TBCD: variants seen among roughly 807,000 people sequenced by gnomAD.
TBCD encodes the protein tubulin folding cofactor D.
In TBCD, 105 loss-of-function variants were observed where a neutral mutation model predicts 169.3. That is an observed-to-expected ratio of 0.62 (90% CI 0.53 to 0.73). The LOEUF is 0.73. Ranked by LOEUF, TBCD falls within the 30% of genes least tolerant of loss-of-function variation. The probability of loss-of-function intolerance (pLI) is 0.00; values close to 1 mark genes in which losing one functional copy is unlikely to be tolerated. For missense variants in TBCD, 1,444 were observed against 1,600.1 expected, an observed-to-expected ratio of 0.90 and a Z score of 1.66; for synonymous variants, 700 against 643.9, an observed-to-expected ratio of 1.09 and a Z score of -1.32.
chr17:82,756,336 T>A, intron 2 of TBCD, 121 bp downstream of exon 2: 1 of 1,058,534 alleles, frequency 9.4e-7, no homozygotes, highest in Non-Finnish European at 1.4e-6. Flanking sequence ...TGTCCCTGTC[T>A]TGCTTGCCTG....
chr17:82,856,515 C>T (rs949405162), intron 13 of TBCD, among the ~76,000 whole-genome samples: 5 of 152,270 alleles, frequency 3.3e-5, no homozygotes, highest in Admixed American at 3.3e-4. Context: ...ATCCTGACTC[C>T]CAAGGGCACA....
At chr17:82,830,918 G>T (rs749324501) in intron 13 of TBCD, 1 of 1,613,076 alleles carries the variant, frequency 6.2e-7, no homozygotes, top group Admixed American at 1.7e-5. Flanking sequence ...AGCTTGCTTA[G>T]AAAAGCAACT....
intron 13 of TBCD, among the ~76,000 whole-genome samples, chr17:82,816,668 G>C (rs2051933058): frequency 6.6e-6 from 1 of 151,676 alleles, no homozygotes; most frequent in Non-Finnish European, 1.5e-5. Context: ...TGAGTAGCTG[G>C]GACCACCGGT....
chr17:82,768,517 C>T lies in TBCD; in HGVS notation c.533C>T (p.Pro178Leu). Reference protein sequence around the residue: ...SRLDGNLLTQPGQARMSIMDR... With the variant: ...SRLDGNLLTQLGQARMSIMDR... The stretch of plus-strand genomic sequence containing the variant: ...CTTGACGGGAACCTCCTCACCCAGC[C>T]TGGGCAAGCACGAATGTCCATAATG... Residue 178 changes from proline (P) to leucine (L), a missense_variant, in exon 5 of 39, where the codon CCT becomes CTT. Transcript: ENST00000355528. 1 of 1,614,016 alleles carries T rather than the reference C, an allele frequency of 6.2e-7. No individual in the cohort carries two copies. Among genetic ancestry groups the T allele is most frequent in the Non-Finnish European group, 8.5e-7 (1 of 1,179,890 alleles).
intron 13 of TBCD, 75 bp from the exon 14 acceptor site, chr17:82,870,149 G>T: frequency 1.3e-6 from 2 of 1,595,410 alleles, no homozygotes; most frequent in Non-Finnish European, 8.5e-7. Context: ...CCGGCCCTGA[G>T]CCCCACTTCT....
At chr17:82,913,817 C>CGTT (rs2060834468) in intron 23 of TBCD, 1 of 152,316 alleles carries the variant, frequency 6.6e-6, no homozygotes, top group African/African-American at 2.4e-5. Context: ...CGCAGGGCAC[C>CGTT]GTTGGCCTGT....
At chr17:82,858,446 C>G in intron 13 of TBCD, 1 of 397,762 alleles carries the variant, frequency 2.5e-6, no homozygotes, top group African/African-American at 2.2e-5. Context: ...AGCTCCAGGC[C>G]TATTCGGCAT....
intron 32 of TBCD, chr17:82,929,829 A>G (rs2062052292): frequency 2.1e-6 from 1 of 479,828 alleles, no homozygotes; most frequent in African/African-American, 2.0e-5. Context: ...CCTGGGCTCC[A>G]TCAGGTTCTA....
intron 13 of TBCD, among the ~76,000 whole-genome samples, chr17:82,843,755 CAGTGA>C (rs1447337056): frequency 6.6e-6 from 1 of 152,186 alleles, no homozygotes; most frequent in Non-Finnish European, 1.5e-5. Context: ...GGTTTACATT[CAGTGA>C]AGGGCACAGG....
chr17:82,803,717 C>T (rs975516755), intron 9 of TBCD, among the ~76,000 whole-genome samples: 3 of 152,258 alleles, frequency 2.0e-5, no homozygotes, highest in South Asian at 4.2e-4. Context: ...GTCTTCCGTC[C>T]GAGTCTCACC....
In TBCD at chr17:82,806,033, G is replaced by A. The variant is rs1307213762; in HGVS notation, c.1087+22G>A. The A allele has an allele frequency of 6.2e-7, 1 of 1,605,730 alleles. No individual in the cohort carries two copies. Among genetic ancestry groups the A allele is most frequent in the South Asian group, 1.1e-5 (1 of 90,868 alleles). On this transcript the variant is annotated intron_variant, in intron 10 of 38. Coordinates refer to ENST00000355528, the MANE Select transcript of TBCD (RefSeq NM_005993.5). This position sits in a 1 kb window ranked among gnomAD's most constrained non-coding sequence, Gnocchi z 5.1. ...ATAGGTGCGTGGGGTCTAAGCGGCGGCCTCTGCTCTTGGGCACCGTCGGGC... is the reference window on the plus strand; with the variant it reads ...ATAGGTGCGTGGGGTCTAAGCGGCGACCTCTGCTCTTGGGCACCGTCGGGC...
At chr17:82,891,018 C>T (rs1286481593) in intron 16 of TBCD, among the ~76,000 whole-genome samples, 2 of 152,240 alleles carry the variant, frequency 1.3e-5, no homozygotes, top group Non-Finnish European at 2.9e-5. Flanking sequence ...CCCTCCAGAG[C>T]CCCCACTGGA....
intron 4 of TBCD, among the ~76,000 whole-genome samples, 180 bp from the exon 5 acceptor site, chr17:82,768,240 C>CG (rs1337023390): frequency 4.0e-5 from 6 of 151,724 alleles, no homozygotes; most frequent in Admixed American, 2.6e-4. Flanking sequence ...GTGGGGATTC[C>CG]GGGGGGGATG....
chr17:82,785,020 A>G (rs2049207501), intron 7 of TBCD, among the ~76,000 whole-genome samples: 1 of 127,042 alleles, frequency 7.9e-6, no homozygotes, highest in South Asian at 2.7e-4. Flanking sequence ...GACTGGGACC[A>G]CTGGATCCCA....
At chr17:82,838,772 G>C in intron 13 of TBCD, 1 of 985,444 alleles carries the variant, frequency 1.0e-6, no homozygotes, top group African/African-American at 1.7e-5. Flanking sequence ...AATGGATCCA[G>C]AAAAACAACC....
chr17:82,846,355 C>A (rs1373625469), intron 13 of TBCD, among the ~76,000 whole-genome samples: 1 of 151,420 alleles, frequency 6.6e-6, no homozygotes, highest in African/African-American at 2.4e-5. Flanking sequence ...CTGCTGCCCC[C>A]TCCATGCGCT....
At chr17:82,936,156 G>A (rs1190059252) in intron 34 of TBCD, among the ~76,000 whole-genome samples, 1 of 152,074 alleles carries the variant, frequency 6.6e-6, no homozygotes, top group Non-Finnish European at 1.5e-5. Flanking sequence ...GTTTCCCTCG[G>A]TCACCCCCTC....
chr17:82,762,689 C>T (rs991242563), intron 2 of TBCD, among the ~76,000 whole-genome samples: 5 of 151,606 alleles, frequency 3.3e-5, no homozygotes, highest in Non-Finnish European at 7.4e-5. Context: ...GCAGAGGTTG[C>T]AGTAAGCTGA....
At chr17:82,937,829 G>T in intron 35 of TBCD, 1 of 1,472,700 alleles carries the variant, frequency 6.8e-7, no homozygotes, top group Non-Finnish European at 9.1e-7. Context: ...TCTGTGAGGC[G>T]TCCTCACTTC....
Sources: gnomAD v4.1 joint callset for allele counts (sites outside exome capture counted in the v4.1 genomes callset) on GRCh38, gnomAD v4.1.1 for gene constraint, Gnocchi (gnomAD v3.1) non-coding constraint, MANE v1.5 for transcripts, NCBI Gene and HGNC (gene_info 2026-07-23, HGNC 2026-07-21) for gene names.